The following PTPRT variants were observed in gnomAD, a reference collection of about 807,000 sequenced individuals.
PTPRT encodes the protein protein tyrosine phosphatase receptor type T, also known as receptor-type tyrosine-protein phosphatase T.
In PTPRT, 56 loss-of-function variants were observed where a neutral mutation model predicts 176.8. The observed-to-expected ratio is 0.32, with a 90% confidence interval of 0.26 to 0.40. The LOEUF is 0.40. Ranked by LOEUF, PTPRT falls within the 10% of genes least tolerant of loss-of-function variation. The pLI, the probability that PTPRT is intolerant of heterozygous loss-of-function variation, is 1.00. For missense variants in PTPRT, 1,540 were observed against 1,908.2 expected (o/e 0.81, Z 3.60); for synonymous variants, 783 against 739.0 (o/e 1.06, Z -0.96).
At chr20:42,487,697 A>AT (rs1182823002) in intron 7 of PTPRT, among the ~76,000 whole-genome samples, 1 of 152,038 alleles carries the variant, frequency 6.6e-6, no homozygotes, top group Non-Finnish European at 1.5e-5. Flanking sequence ...CAAGAAACAG[A>AT]TTCTCCCCCA....
chr20:42,850,577 G>A (rs1214257069), intron 2 of PTPRT, among the ~76,000 whole-genome samples: 2 of 152,232 alleles, frequency 1.3e-5, no homozygotes, highest in East Asian at 3.9e-4. Flanking sequence ...GCATCCCCCA[G>A]TGGTAGGCAG....
intron 1 of PTPRT, among the ~76,000 whole-genome samples, chr20:42,953,629 G>A (rs1303954125): frequency 6.6e-6 from 1 of 152,130 alleles, no homozygotes; most frequent in Non-Finnish European, 1.5e-5. Context: ...TCTGGCCCCA[G>A]CACTCAGAAG....
intron 6 of PTPRT, among the ~76,000 whole-genome samples, chr20:42,699,944 T>C (rs866350322): frequency 1.2e-4 from 19 of 152,212 alleles, no homozygotes; most frequent in Admixed American, 2.6e-4. Context: ...GAAGCAGCCC[T>C]AAATAGATGA....
intron 1 of PTPRT, among the ~76,000 whole-genome samples, chr20:43,053,184 T>C (rs1987112307): frequency 6.6e-6 from 1 of 152,244 alleles, no homozygotes; most frequent in Admixed American, 6.5e-5. Context: ...TCCCTTGGCC[T>C]GAAAGTTCTC....
At chr20:43,029,249 C>A (rs779243097) in intron 1 of PTPRT, among the ~76,000 whole-genome samples, 1 of 152,198 alleles carries the variant, frequency 6.6e-6, no homozygotes, top group Non-Finnish European at 1.5e-5. Flanking sequence ...CTGAACAAGT[C>A]ACAAGCCCCC....
chr20:42,810,349 C>T (rs990329707), intron 2 of PTPRT, among the ~76,000 whole-genome samples: 9 of 152,050 alleles, frequency 5.9e-5, no homozygotes, highest in African/African-American at 2.2e-4. Flanking sequence ...AGAAGATGAC[C>T]TACCTGGATG....
At chr20:42,935,773 G>A (rs891155889) in intron 1 of PTPRT, among the ~76,000 whole-genome samples, 1 of 152,026 alleles carries the variant, frequency 6.6e-6, no homozygotes, top group African/African-American at 2.4e-5. Context: ...TCTTAAGATG[G>A]AGTTTTGCTC....
At chr20:42,476,106 T>G (rs1007664916) in intron 7 of PTPRT, among the ~76,000 whole-genome samples, 14 of 152,210 alleles carry the variant, frequency 9.2e-5, no homozygotes, top group African/African-American at 3.1e-4. Flanking sequence ...AGGTTGTTAA[T>G]GAGCATAAAA....
At chr20:42,709,522 C>T (rs2076112176) in intron 6 of PTPRT, among the ~76,000 whole-genome samples, 1 of 152,198 alleles carries the variant, frequency 6.6e-6, no homozygotes, top group Non-Finnish European at 1.5e-5. Context: ...GAAATAGATG[C>T]TACCAGTATG....
intron 1 of PTPRT, among the ~76,000 whole-genome samples, chr20:43,182,476 C>T (rs1390723396): frequency 6.6e-6 from 1 of 152,038 alleles, no homozygotes; most frequent in Non-Finnish European, 1.5e-5. Flanking sequence ...CTGCAACCTC[C>T]ACCACCTGGG....
intron 1 of PTPRT, among the ~76,000 whole-genome samples, chr20:42,911,448 G>A (rs1317662217): frequency 2.6e-5 from 4 of 152,060 alleles, no homozygotes; most frequent in Non-Finnish European, 5.9e-5. Context: ...ATATTAACTA[G>A]TAATTATTCT....
chr20:42,951,465 G>A (rs565007454), intron 1 of PTPRT, among the ~76,000 whole-genome samples: 2 of 152,186 alleles, frequency 1.3e-5, no homozygotes, highest in African/African-American at 4.8e-5. Flanking sequence ...TTTCTAAGAT[G>A]TAAATCTAAT....
intron 1 of PTPRT, among the ~76,000 whole-genome samples, chr20:42,987,342 G>A (rs58091466): frequency 0.044 from 6,684 of 152,230 alleles, 355 homozygotes; most frequent in African/African-American, 0.12. Flanking sequence ...TCAGTCGCAC[G>A]AGCCACATTT....
chr20:42,779,965 G>A (rs1001999592), intron 4 of PTPRT, among the ~76,000 whole-genome samples: 1 of 151,968 alleles, frequency 6.6e-6, no homozygotes, highest in Admixed American at 6.6e-5. Flanking sequence ...CCTTAATAAT[G>A]GAGAGAGATT....
At chr20:42,502,822 T>C (rs1188023885) in intron 7 of PTPRT, among the ~76,000 whole-genome samples, 1 of 152,082 alleles carries the variant, frequency 6.6e-6, no homozygotes, top group Non-Finnish European at 1.5e-5. Context: ...TACATATCTG[T>C]GAGTAAATCA....
chr20:42,908,887 G>T (rs1429701324), intron 1 of PTPRT, among the ~76,000 whole-genome samples: 1 of 152,282 alleles, frequency 6.6e-6, no homozygotes, highest in East Asian at 1.9e-4. Context: ...GATGGTGCCA[G>T]GGCTCATGTT....
At chr20:42,641,340 G>C (rs1019445644) in intron 7 of PTPRT, among the ~76,000 whole-genome samples, 5 of 152,154 alleles carry the variant, frequency 3.3e-5, no homozygotes, top group African/African-American at 1.2e-4. Context: ...ACTGAGAACA[G>C]CCTGGAACCC....
chr20:42,701,298 A>G (rs1463764866), intron 6 of PTPRT, among the ~76,000 whole-genome samples: 1 of 152,242 alleles, frequency 6.6e-6, no homozygotes, highest in African/African-American at 2.4e-5. Context: ...AACCAGAATC[A>G]GAGAAAGGCA....
intron 1 of PTPRT, among the ~76,000 whole-genome samples, chr20:43,064,848 A>G (rs189407518): frequency 6.6e-6 from 1 of 152,350 alleles, no homozygotes; most frequent in African/African-American, 2.4e-5. Context: ...AAGATCCAAC[A>G]GGCCGATAAA....
Sources: allele counts gnomAD v4.1 joint callset (sites outside exome capture counted in the v4.1 genomes callset), GRCh38; gene constraint gnomAD v4.1.1; transcripts MANE v1.5; gene names NCBI Gene and HGNC (gene_info 2026-07-23, HGNC 2026-07-21).